AGPAT5: variants seen among roughly 807,000 people sequenced by gnomAD.
AGPAT5 encodes the protein 1-acylglycerol-3-phosphate O-acyltransferase 5.
In AGPAT5, 46 loss-of-function variants were observed where a neutral mutation model predicts 45.6. The ratio of observed to expected loss-of-function variants is 1.01; its 90% CI spans 0.80 to 1.29. The LOEUF is 1.29. AGPAT5 is among the 50% of genes most tolerant of loss of function. AGPAT5 has a pLI of 0.00. For synonymous variants in AGPAT5, 272 were observed against 167.0 expected (o/e 1.63, Z -4.85); for missense variants, 673 against 450.7 (o/e 1.49, Z -4.47).
At chr8:6,724,496 G>A (rs746936954) in intron 1 of AGPAT5, among the ~76,000 whole-genome samples, 8 of 152,196 alleles carry the variant, frequency 5.3e-5, no homozygotes, top group Non-Finnish European at 8.8e-5. Context: ...TAGTATTTGC[G>A]TTATGTCTCA....
chr8:6,746,717 G>T (rs1031763097), intron 5 of AGPAT5, among the ~76,000 whole-genome samples: 4 of 152,180 alleles, frequency 2.6e-5, no homozygotes, highest in African/African-American at 9.7e-5. Flanking sequence ...GTGTGGGACA[G>T]TCCCACCATG....
At chr8:6,753,586 C>G (rs2936504) in intron 6 of AGPAT5, among the ~76,000 whole-genome samples, 8,340 of 152,168 alleles carry the variant, frequency 0.055, 714 homozygotes, top group African/African-American at 0.19. Context: ...TATAGACTTG[C>G]ACCCTTAGGC....
intron 1 of AGPAT5, among the ~76,000 whole-genome samples, chr8:6,717,389 A>G (rs1800366941): frequency 6.6e-6 from 1 of 152,212 alleles, no homozygotes; most frequent in African/African-American, 2.4e-5. Context: ...GGGTGATGGT[A>G]CCTGGAAAGG....
intron 6 of AGPAT5, among the ~76,000 whole-genome samples, chr8:6,749,834 C>A (rs1316723515): frequency 6.6e-6 from 1 of 152,186 alleles, no homozygotes; most frequent in Non-Finnish European, 1.5e-5. Context: ...TTTATCATGT[C>A]CCCTCCTGTC....
intron 4 of AGPAT5, chr8:6,738,343 G>A (rs1233894758): frequency 6.6e-6 from 1 of 152,218 alleles, no homozygotes; most frequent in East Asian, 1.9e-4. Flanking sequence ...AGGGGCGGTA[G>A]AGAGAAAGAG....
chr8:6,716,685 T>C (rs1409924870), intron 1 of AGPAT5, among the ~76,000 whole-genome samples: 1 of 151,876 alleles, frequency 6.6e-6, no homozygotes, highest in East Asian at 1.9e-4. Flanking sequence ...AATACAAAAT[T>C]AGCCGGGCGT....
chr8:6,757,562 A>C lies in AGPAT5; in HGVS notation c.*174A>C. 1 of 594,172 alleles carries C rather than the reference A, an allele frequency of 1.7e-6. No homozygotes were observed. Among genetic ancestry groups the C allele is most frequent in the South Asian group, 2.2e-5 (1 of 45,966 alleles). 36.8% of individuals were successfully genotyped at this position (594,172 alleles called of 1,614,324 possible). On this transcript the variant is annotated 3_prime_UTR_variant, in exon 8 of 8. Coordinates refer to ENST00000285518, the MANE Select transcript of AGPAT5 (RefSeq NM_018361.5). ...TGATATGCAATGGTCTTGGGCAAACATACCTGGTTGTACAACTTTAGCATC... is the reference window on the plus strand; with the variant it reads ...TGATATGCAATGGTCTTGGGCAAACCTACCTGGTTGTACAACTTTAGCATC...
At chr8:6,713,367 G>C (rs1193977607) in intron 1 of AGPAT5, among the ~76,000 whole-genome samples, 32 of 152,124 alleles carry the variant, frequency 2.1e-4, no homozygotes, top group Admixed American at 2.1e-3. Context: ...GGCTCTGACT[G>C]CTAATTCCCC....
intron 7 of AGPAT5, 35 bp from the exon 8 acceptor site, chr8:6,757,128 G>A (rs779967702): frequency 2.0e-6 from 3 of 1,536,052 alleles, no homozygotes; most frequent in Admixed American, 3.5e-5. Flanking sequence ...ATACTGAAGT[G>A]ACTAAAATCT....
chr8:6,726,792 G>C (rs943985746), intron 2 of AGPAT5, among the ~76,000 whole-genome samples: 8 of 152,132 alleles, frequency 5.3e-5, no homozygotes, highest in African/African-American at 1.7e-4. Context: ...CTGTGACTTT[G>C]TATCACCGCT....
chr8:6,710,484 A>C (rs1800121379), intron 1 of AGPAT5, among the ~76,000 whole-genome samples: 1 of 152,242 alleles, frequency 6.6e-6, no homozygotes, highest in African/African-American at 2.4e-5. Context: ...TTCCTTGATG[A>C]AGTTCTTTAG....
chr8:6,730,845 T>C lies in AGPAT5; in HGVS notation c.405+19T>C. 1 of 1,556,780 alleles carries C rather than the reference T, an allele frequency of 6.4e-7. No individual in the cohort carries two copies. The highest frequency in any genetic ancestry group is 8.8e-7 in the Non-Finnish European group (1 of 1,129,984). On this transcript the variant is annotated intron_variant, in intron 3 of 7. Transcript: ENST00000285518. ...TGCTCAGGTAACTTGTTTCCATGCT[T>C]TTCTCTCTATATATGTAGTTTATAA...
At chr8:6,743,358 G>T (rs918027948) in intron 5 of AGPAT5, among the ~76,000 whole-genome samples, 1 of 152,130 alleles carries the variant, frequency 6.6e-6, no homozygotes, top group South Asian at 2.1e-4. Flanking sequence ...GGACCCATTT[G>T]TACAATTGTC....
intron 6 of AGPAT5, among the ~76,000 whole-genome samples, chr8:6,752,632 A>G (rs144250457): frequency 2.4e-4 from 36 of 152,258 alleles, no homozygotes; most frequent in African/African-American, 7.2e-4. Context: ...GACTTTCTCT[A>G]TTACCCAAGT....
chr8:6,731,523 T>G (rs1387900966), intron 3 of AGPAT5, among the ~76,000 whole-genome samples: 2 of 152,116 alleles, frequency 1.3e-5, no homozygotes, highest in African/African-American at 4.8e-5. Context: ...TTATTTTAAT[T>G]GTTATATTAT....
intron 6 of AGPAT5, among the ~76,000 whole-genome samples, chr8:6,748,512 T>G (rs747358229): frequency 5.9e-5 from 9 of 152,102 alleles, no homozygotes; most frequent in Non-Finnish European, 1.0e-4. Flanking sequence ...TGTTTTTCGT[T>G]TTTTGTTTTG....
chr8:6,747,706 T>A lies in AGPAT5; in HGVS notation c.623T>A (p.Ile208Lys). The change falls in exon 6 of 8, where the codon ATA (isoleucine) becomes AAA (lysine). Residue 208 changes from isoleucine to lysine, a missense_variant. Transcript: ENST00000285518. ...AVLKHVLTPR[I>K]KATHVAFDCM... is the part of the protein sequence containing the mutation. ...TTAAAACATGTGCTAACACCACGAA[T>A]AAAGGCAACTCACGTTGCTTTTGAT... 1 of 1,614,220 alleles carries A rather than the reference T, an allele frequency of 6.2e-7. No individual in the cohort carries two copies. The highest frequency in any genetic ancestry group is 8.5e-7 in the Non-Finnish European group (1 of 1,180,018).
At chr8:6,724,979 G>T in intron 2 of AGPAT5, 40 bp downstream of exon 2, 2 of 788,190 alleles carry the variant, frequency 2.5e-6, no homozygotes, top group African/African-American at 1.8e-5. Flanking sequence ...TTTTTCTACA[G>T]ATGGCACATG....
chr8:6,718,843 A>G (rs1391556051), intron 1 of AGPAT5, among the ~76,000 whole-genome samples: 1 of 152,238 alleles, frequency 6.6e-6, no homozygotes, highest in African/African-American at 2.4e-5. Flanking sequence ...AATTGTAAAA[A>G]TTACATCAGC....
Sources: allele counts gnomAD v4.1 joint callset (sites outside exome capture counted in the v4.1 genomes callset), GRCh38; gene constraint gnomAD v4.1.1; transcripts MANE v1.5; gene names NCBI Gene and HGNC (gene_info 2026-07-23, HGNC 2026-07-21).